BICC1: variants seen among roughly 807,000 people sequenced by gnomAD.
The protein encoded by BICC1 is BicC family RNA binding protein 1.
A neutral mutation model predicts 111.0 loss-of-function variants in BICC1; 43 were observed. The ratio of observed to expected loss-of-function variants is 0.39; its 90% CI spans 0.30 to 0.50. BICC1 has a LOEUF of 0.50. Among genes scored for constraint, BICC1 ranks in the 20% least tolerant of loss-of-function variants. The probability of loss-of-function intolerance (pLI) is 0.88; values close to 1 mark genes in which losing one functional copy is unlikely to be tolerated. For missense variants in BICC1, 1,091 were observed against 1,203.2 expected (o/e 0.91, Z 1.38); for synonymous variants, 467 against 434.4 (o/e 1.07, Z -0.93).
chr10:58,549,206 A>G (rs1450373725), intron 1 of BICC1, among the ~76,000 whole-genome samples: 1 of 152,012 alleles, frequency 6.6e-6, no homozygotes, highest in African/African-American at 2.4e-5. Flanking sequence ...GTTCGTTTAT[A>G]CACTCACCTG....
intron 2 of BICC1, among the ~76,000 whole-genome samples, chr10:58,627,793 C>T (rs922835281): frequency 6.6e-6 from 1 of 152,034 alleles, no homozygotes; most frequent in Non-Finnish European, 1.5e-5. Flanking sequence ...TTACGTAGAA[C>T]ATTATCAGAG....
chr10:58,569,598 G>A (rs1453804824), intron 1 of BICC1, among the ~76,000 whole-genome samples: 1 of 152,124 alleles, frequency 6.6e-6, no homozygotes, highest in East Asian at 1.9e-4. Flanking sequence ...GTATCCATGT[G>A]TTCTTGTTGT....
At chr10:58,606,862 CTG>C (rs1845232360) in intron 1 of BICC1, among the ~76,000 whole-genome samples, 1 of 152,014 alleles carries the variant, frequency 6.6e-6, no homozygotes, top group South Asian at 2.1e-4. Flanking sequence ...ATTTTATAGT[CTG>C]TTTTCTTTTT....
intron 9 of BICC1, among the ~76,000 whole-genome samples, chr10:58,795,015 A>G (rs1006874153): frequency 5.3e-5 from 8 of 152,208 alleles, no homozygotes; most frequent in African/African-American, 1.7e-4. Flanking sequence ...ATTTTTAAGT[A>G]TAAAGCATTG....
chr10:58,788,297 A>T (rs1418152325), intron 5 of BICC1, 73 bp from the exon 6 acceptor site: 2 of 1,122,522 alleles, frequency 1.8e-6, no homozygotes, highest in Non-Finnish European at 2.7e-6. Flanking sequence ...AGTAGCAAGC[A>T]TATAGATGAA....
Position 58,731,541 on chromosome 10 carries a change from A to T in BICC1, c.307+29398A>T, listed in dbSNP as rs574642698. The stretch of plus-strand genomic sequence containing the variant: ...TTGCACTGTTATAATAAAAAAATAC[A>T]TGAAACTGAGTAATTATTAAAGAAA... On this transcript the variant is annotated intron_variant, in intron 3 of 20. Transcript: ENST00000373886. 3.3e-5 allele frequency among the ~76,000 whole-genome samples: 5 copies of T among 152,350 alleles called. No homozygotes were observed. The South Asian group carries it at 1.0e-3, about 32-fold the overall frequency.
At chr10:58,601,140 T>TAA (rs1554810885) in intron 1 of BICC1, among the ~76,000 whole-genome samples, 5,889 of 100,422 alleles carry the variant, frequency 0.059, 675 homozygotes, top group African/African-American at 0.18. Flanking sequence ...ATTTTAAAAC[T>TAA]TATATATATA....
Position 58,830,711 on chromosome 10 carries a change from G to A in BICC1, c.*1820G>A, listed in dbSNP as rs1254749695. ...GGCACCGAGGGACTGCCCTTTTTAA[G>A]CTAAACTAAGCCTTATCTGCTTAAG... On this transcript the variant is annotated 3_prime_UTR_variant, in exon 21 of 21. Coordinates refer to ENST00000373886, the MANE Select transcript of BICC1 (RefSeq NM_001080512.3). 1 of 152,150 alleles carries A rather than the reference G, an allele frequency of 6.6e-6. No homozygotes were observed. The highest frequency in any genetic ancestry group is 1.5e-5 in the Non-Finnish European group (1 of 68,018). 9.4% of individuals were successfully genotyped at this position (152,150 alleles called of 1,614,324 possible). A position where few individuals can be genotyped will look rare whatever the true frequency, so the allele number is the denominator to read the frequency against.
chr10:58,628,264 A>G (rs1239352354), intron 2 of BICC1, among the ~76,000 whole-genome samples: 1 of 152,214 alleles, frequency 6.6e-6, no homozygotes, highest in East Asian at 1.9e-4. Context: ...TTGTTAATGG[A>G]TTAATTATTG....
chr10:58,820,143 T>C (rs561901952), intron 19 of BICC1, among the ~76,000 whole-genome samples: 1 of 152,274 alleles, frequency 6.6e-6, no homozygotes, highest in Non-Finnish European at 1.5e-5. Context: ...GTTTCCTTTC[T>C]TGCTATAGTT....
chr10:58,560,476 T>C (rs1843574280), intron 1 of BICC1, among the ~76,000 whole-genome samples: 2 of 151,638 alleles, frequency 1.3e-5, no homozygotes, highest in African/African-American at 4.8e-5. Context: ...TATCTAGTGG[T>C]TTATTGATTC....
Position 58,830,160 on chromosome 10 carries a change from AT to A in BICC1, c.*1270del, listed in dbSNP as rs1032260142. 64 of 152,124 alleles carry A rather than the reference AT, an allele frequency of 4.2e-4. No homozygotes were observed. The highest frequency in any genetic ancestry group is 1.5e-3 in the African/African-American group (63 of 41,500). The allele number at this position is 152,124 out of a possible 1,614,324, so 9.4% of individuals were successfully genotyped here. ...AGCTAAGTTCTGAAGGAAAAAAAAA[AT>A]ATATCTTTTTAAGTGGCTAGAGTCA... On this transcript the variant is annotated 3_prime_UTR_variant, in exon 21 of 21. Coordinates refer to ENST00000373886, the MANE Select transcript of BICC1 (RefSeq NM_001080512.3).
intron 1 of BICC1, among the ~76,000 whole-genome samples, chr10:58,565,462 G>A (rs1843726476): frequency 6.6e-6 from 1 of 152,112 alleles, no homozygotes; most frequent in Non-Finnish European, 1.5e-5. Flanking sequence ...CTATTCCTTG[G>A]GGGTTTAGGA....
At chr10:58,685,093 GAACATCTTTATTTC>G in intron 2 of BICC1, among the ~76,000 whole-genome samples, 1 of 152,302 alleles carries the variant, frequency 6.6e-6, no homozygotes, top group African/African-American at 2.4e-5. Flanking sequence ...TGGTTTCAAA[GAACATCTTTATTTC>G]TGCCTTCATT....
chr10:58,724,229 A>G (rs879288941), intron 3 of BICC1, among the ~76,000 whole-genome samples: 2 of 152,242 alleles, frequency 1.3e-5, no homozygotes, highest in Non-Finnish European at 2.9e-5. Flanking sequence ...TGCATCCATG[A>G]TTCTTAGATG....
chr10:58,765,897 G>A (rs1842443206), intron 3 of BICC1, among the ~76,000 whole-genome samples: 1 of 152,198 alleles, frequency 6.6e-6, no homozygotes, highest in African/African-American at 2.4e-5. Context: ...GGTGTTACAG[G>A]GAGGGGTAGA....
intron 18 of BICC1, among the ~76,000 whole-genome samples, chr10:58,816,018 T>G (rs1844075715): frequency 6.6e-6 from 1 of 152,216 alleles, no homozygotes; most frequent in African/African-American, 2.4e-5. Flanking sequence ...ATAATTTCTC[T>G]TAACACCCTT....
Position 58,681,390 on chromosome 10 carries a change from A to G in BICC1, c.238-20684A>G, listed in dbSNP as rs571652540. Among the ~76,000 whole-genome samples the G allele has an allele frequency of 3.3e-5, 5 of 150,296 alleles. No homozygotes were observed. The South Asian group carries it at 8.4e-4, about 25-fold the overall frequency. ...TCAAAAGAAGACATTTATATGGCCA[A>G]CAGACATATGAAAAAAGCTCATCAT... On this transcript the variant is annotated intron_variant, in intron 2 of 20. Coordinates refer to ENST00000373886, the MANE Select transcript of BICC1 (RefSeq NM_001080512.3).
At chr10:58,600,325 A>G (rs1014815937) in intron 1 of BICC1, among the ~76,000 whole-genome samples, 4 of 152,090 alleles carry the variant, frequency 2.6e-5, no homozygotes, top group African/African-American at 9.7e-5. Context: ...GCCACTGAGT[A>G]GGTACAGTTA....
Sources: gnomAD v4.1 joint callset for allele counts (sites outside exome capture counted in the v4.1 genomes callset) on GRCh38, gnomAD v4.1.1 for gene constraint, MANE v1.5 for transcripts, NCBI Gene and HGNC (gene_info 2026-07-23, HGNC 2026-07-21) for gene names.